The following MINPP1 variants were observed in gnomAD, a reference collection of about 807,000 sequenced individuals.
MINPP1 encodes the protein multiple inositol-polyphosphate phosphatase 1, also known as multiple inositol polyphosphate phosphatase 1.
A neutral mutation model predicts 46.1 loss-of-function variants in MINPP1; 28 were observed. The ratio of observed to expected loss-of-function variants is 0.61; its 90% CI spans 0.45 to 0.83. The LOEUF is 0.83. MINPP1 is among the 40% of genes least tolerant of loss of function. MINPP1 has a pLI of 0.00. For synonymous variants in MINPP1, 268 were observed against 249.1 expected (o/e 1.08, Z -0.72); for missense variants, 603 against 610.0 (o/e 0.99, Z 0.12).
At chr10:87,540,108 A>T (rs1287417172) in intron 4 of MINPP1, among the ~76,000 whole-genome samples, 9 of 152,144 alleles carry the variant, frequency 5.9e-5, no homozygotes, top group Non-Finnish European at 8.8e-5. Context: ...GGGCTCAAGC[A>T]GTTCTCCCAT....
intron 3 of MINPP1, among the ~76,000 whole-genome samples, chr10:87,518,650 T>G (rs143310371): frequency 2.1e-3 from 323 of 152,268 alleles, no homozygotes; most frequent in African/African-American, 7.5e-3. Context: ...GGTTGAGGGC[T>G]CAGTCCCCAA....
At chr10:87,538,651 A>G (rs533827304) in intron 4 of MINPP1, among the ~76,000 whole-genome samples, 54 of 152,352 alleles carry the variant, frequency 3.5e-4, no homozygotes, top group Non-Finnish European at 5.7e-4. Context: ...TGATGTTTCA[A>G]TTAGATGTGG....
intron 4 of MINPP1, among the ~76,000 whole-genome samples, chr10:87,530,997 C>T (rs1026880206): frequency 2.0e-5 from 3 of 152,194 alleles, no homozygotes; most frequent in Non-Finnish European, 4.4e-5. Flanking sequence ...TGGGACCCTC[C>T]GAGCCAGGCG....
chr10:87,513,069 T>C (rs1851358545), intron 2 of MINPP1, 55 bp from the exon 3 acceptor site: 1 of 1,288,016 alleles, frequency 7.8e-7, no homozygotes. Flanking sequence ...TATTTAGCCT[T>C]TGAAAAATTG....
chr10:87,514,551 G>T (rs981270838), intron 3 of MINPP1, among the ~76,000 whole-genome samples: 5 of 152,126 alleles, frequency 3.3e-5, no homozygotes, highest in South Asian at 2.1e-4. Context: ...CGTTTTGGAA[G>T]AGTCTAGGCC....
At chr10:87,549,973 A>C (rs1851939667) in intron 4 of MINPP1, among the ~76,000 whole-genome samples, 1 of 152,220 alleles carries the variant, frequency 6.6e-6, no homozygotes, top group African/African-American at 2.4e-5. Context: ...CAGATGTATA[A>C]AGGGGCCAGG....
intron 4 of MINPP1, among the ~76,000 whole-genome samples, chr10:87,529,878 T>C (rs1851632265): frequency 1.3e-5 from 2 of 152,234 alleles, no homozygotes; most frequent in African/African-American, 4.8e-5. Context: ...CATAGTCCCA[T>C]ATTTCTTGGA....
At chr10:87,508,226 G>A (rs754383098) in intron 1 of MINPP1, 110 bp from the exon 2 acceptor site, 96 of 1,554,290 alleles carry the variant, frequency 6.2e-5, no homozygotes, top group Non-Finnish European at 8.0e-5. Flanking sequence ...TCAGCTGTGC[G>A]GATTAGTAAG....
rs1055185413 is a variant in MINPP1, at chr10:87,505,844, G to A, written c.637+292G>A. ...GGATCCAACAGGAAAGGGGACAGAC[G>A]AGGTCTCCCGCAATTTTTGCGCTCC... is the stretch of plus-strand genomic sequence containing the variant. On this transcript the variant is annotated intron_variant, in intron 1 of 4. Coordinates refer to ENST00000371996, the MANE Select transcript of MINPP1 (RefSeq NM_004897.5). This position sits in a 1 kb window ranked among gnomAD's most constrained non-coding sequence, Gnocchi z 4.4. Among the ~76,000 whole-genome samples the A allele has an allele frequency of 6.6e-6, 1 of 152,084 alleles. No individual in the cohort carries two copies. The highest frequency in any genetic ancestry group is 6.5e-5 in the Admixed American group (1 of 15,270).
chr10:87,514,597 ATTTT>A (rs796828867), intron 3 of MINPP1, among the ~76,000 whole-genome samples: 13 of 152,230 alleles, frequency 8.5e-5, no homozygotes, highest in Middle Eastern at 3.4e-3. Context: ...TGTGTCTGAT[ATTTT>A]TTACTCAGGA....
rs118073792 is a variant in MINPP1 at position 87,517,754 on chromosome 10, G to A, written c.934-3282G>A. ...ACCTGTTTCTGAAGGTGTATGTCTG[G>A]TAGAATTATCGATTCTCATGCTTCA... is the stretch of plus-strand genomic sequence containing the variant. On this transcript the variant is annotated intron_variant, in intron 3 of 4. Coordinates refer to ENST00000371996, the MANE Select transcript of MINPP1 (RefSeq NM_004897.5). Among the ~76,000 whole-genome samples the A allele has an allele frequency of 4.2e-3, 642 of 152,162 alleles. 3 individuals carry two copies. The highest frequency in any genetic ancestry group is 5.7e-3 in the Non-Finnish European group (385 of 68,000).
chr10:87,517,388 A>G (rs1164626582), intron 3 of MINPP1, among the ~76,000 whole-genome samples: 1 of 152,166 alleles, frequency 6.6e-6, no homozygotes, highest in African/African-American at 2.4e-5. Context: ...AGGAGATTGA[A>G]GCAAAGGGGC....
At chr10:87,521,225 A>T in intron 4 of MINPP1, 56 bp downstream of exon 4, 1 of 1,437,458 alleles carries the variant, frequency 7.0e-7, no homozygotes, top group Non-Finnish European at 9.7e-7. Flanking sequence ...AAACTTCTGG[A>T]AATTTTTTTA....
intron 4 of MINPP1, among the ~76,000 whole-genome samples, chr10:87,540,060 A>G (rs1297182359): frequency 2.0e-5 from 3 of 152,150 alleles, no homozygotes; most frequent in African/African-American, 2.4e-5. Flanking sequence ...CGTAGACACA[A>G]GGTCTCTCCA....
chr10:87,528,336 G>C (rs1237017260), intron 4 of MINPP1, among the ~76,000 whole-genome samples: 1 of 152,148 alleles, frequency 6.6e-6, no homozygotes, highest in Non-Finnish European at 1.5e-5. Context: ...GCTTTCTCTT[G>C]TGGGCATTTA....
intron 3 of MINPP1, among the ~76,000 whole-genome samples, chr10:87,518,309 T>C (rs1227986204): frequency 1.3e-5 from 2 of 152,088 alleles, no homozygotes; most frequent in African/African-American, 4.8e-5. Context: ...TGAGAATTTT[T>C]TAAATCTCCA....
intron 4 of MINPP1, among the ~76,000 whole-genome samples, chr10:87,542,017 A>G (rs1851821924): frequency 6.6e-6 from 1 of 152,156 alleles, no homozygotes; most frequent in Non-Finnish European, 1.5e-5. Flanking sequence ...ATTTCAAAAT[A>G]CAGTCATGCC....
intron 1 of MINPP1, chr10:87,508,023 C>T (rs57795585): frequency 7.1e-7 from 1 of 1,404,310 alleles, no homozygotes; most frequent in South Asian, 1.7e-5. Context: ...AGTTTGCTTT[C>T]TAAAGTTTTC....
chr10:87,506,173 G>A (rs963449121), intron 1 of MINPP1, among the ~76,000 whole-genome samples: 1 of 151,638 alleles, frequency 6.6e-6, no homozygotes, highest in Non-Finnish European at 1.5e-5. Flanking sequence ...TGTAGCTGTG[G>A]TCCGTGGTCA....
Sources: gnomAD v4.1 joint callset for allele counts (sites outside exome capture counted in the v4.1 genomes callset) on GRCh38, gnomAD v4.1.1 for gene constraint, Gnocchi (gnomAD v3.1) non-coding constraint, MANE v1.5 for transcripts, NCBI Gene and HGNC (gene_info 2026-07-23, HGNC 2026-07-21) for gene names.